RBFOX3: variants seen among roughly 807,000 people sequenced by gnomAD.
RBFOX3 encodes the protein RNA binding protein fox-1 homolog 3.
RBFOX3 carries 17 observed loss-of-function variants against 48.7 expected under a neutral mutation model. That is an observed-to-expected ratio of 0.35 (90% CI 0.24 to 0.52). RBFOX3 has a LOEUF of 0.52. Ranked by LOEUF, RBFOX3 falls within the 20% of genes least tolerant of loss-of-function variation. The pLI, the probability that RBFOX3 is intolerant of heterozygous loss-of-function variation, is 0.94. For synonymous variants in RBFOX3, 212 were observed against 209.5 expected (o/e 1.01, Z -0.10); for missense variants, 382 against 497.5 (o/e 0.77, Z 2.21).
intron 4 of RBFOX3, among the ~76,000 whole-genome samples, chr17:79,182,308 A>G (rs923443039): frequency 3.9e-5 from 6 of 152,036 alleles, no homozygotes; most frequent in Non-Finnish European, 7.4e-5. Context: ...AACCGAAAAC[A>G]AGGCAGACGC....
chr17:79,635,011 G>T, the RBFOX3 span, among the ~76,000 whole-genome samples: 3 of 135,062 alleles, frequency 2.2e-5, no homozygotes, highest in African/African-American at 8.4e-5. Flanking sequence ...AGCAAGCCGA[G>T]ATCACCCCAC....
chr17:79,630,565 T>C, the RBFOX3 span, among the ~76,000 whole-genome samples: 1 of 152,180 alleles, frequency 6.6e-6, no homozygotes, highest in African/African-American at 2.4e-5. Flanking sequence ...CAAATGCCAG[T>C]GGAGCAAATG....
At chr17:79,124,475 C>T (rs981992974) in intron 4 of RBFOX3, among the ~76,000 whole-genome samples, 1 of 152,210 alleles carries the variant, frequency 6.6e-6, no homozygotes, top group Non-Finnish European at 1.5e-5. Context: ...GAGATGGGGC[C>T]TTATACACTA....
At chr17:79,178,826 AC>A (rs1004063534) in intron 4 of RBFOX3, among the ~76,000 whole-genome samples, 2 of 152,116 alleles carry the variant, frequency 1.3e-5, no homozygotes, top group Non-Finnish European at 2.9e-5. Context: ...AATAAACATC[AC>A]CCGACCTCAA....
intron 3 of RBFOX3, among the ~76,000 whole-genome samples, chr17:79,266,047 G>A (rs570064167): frequency 2.1e-4 from 32 of 152,356 alleles, no homozygotes; most frequent in Admixed American, 4.6e-4. Context: ...CTGCTCACCC[G>A]GACCGGGCAG....
At chr17:79,339,171 CAGCCTCCTGAGTGGCT>C (rs2081649325) in intron 2 of RBFOX3, among the ~76,000 whole-genome samples, 1 of 152,118 alleles carries the variant, frequency 6.6e-6, no homozygotes, top group Non-Finnish European at 1.5e-5. Flanking sequence ...CCTCCCGCCT[CAGCCTCCTGAGTGGCT>C]GGGACTACAG....
Position 79,204,013 on chromosome 17 carries a change from G to T in RBFOX3, c.-34+31753C>A, listed in dbSNP as rs1011339266. 6.6e-6 allele frequency among the ~76,000 whole-genome samples: 1 copy of T among 152,164 alleles called. No homozygotes were observed. Among genetic ancestry groups the T allele is most frequent in the Admixed American group, 6.5e-5 (1 of 15,290 alleles). ...TAAATTCCCTGAACGCTCTGGGCTG[G>T]TGGAAGTGGCCCCTTCCATCTTTGC... On this transcript the variant is annotated intron_variant, in intron 4 of 14. Transcript: ENST00000693108. The surrounding 1 kb of genome is among the most constrained non-coding windows in gnomAD (Gnocchi z 4.5).
At chr17:79,174,001 T>C (rs1335313445) in intron 4 of RBFOX3, among the ~76,000 whole-genome samples, 3 of 152,056 alleles carry the variant, frequency 2.0e-5, no homozygotes, top group Admixed American at 6.5e-5. Flanking sequence ...TTGCTTCCCC[T>C]GAATTTGTTG....
rs755188552 is a variant in RBFOX3, at chr17:79,311,849, G to A, written c.-174-4025C>T. ...CCCAAAGCCTCATGTCTGCTTGGGG[G>A]CAAGGACAGCATTCTCACGAACCTG... is the stretch of plus-strand genomic sequence containing the variant. On this transcript the variant is annotated intron_variant, in intron 2 of 14. Coordinates refer to ENST00000693108, the MANE Select transcript of RBFOX3 (RefSeq NM_001350451.2). The surrounding 1 kb of genome is among the most constrained non-coding windows in gnomAD (Gnocchi z 4.2). Among the ~76,000 whole-genome samples, 2 of 152,094 alleles carry A rather than the reference G, an allele frequency of 1.3e-5. No homozygotes were observed. The highest frequency in any genetic ancestry group is 2.9e-5 in the Non-Finnish European group (2 of 68,016).
At chr17:79,543,661 G>A (rs1006553953) in intron 1 of RBFOX3, among the ~76,000 whole-genome samples, 49 of 152,326 alleles carry the variant, frequency 3.2e-4, no homozygotes, top group Middle Eastern at 3.4e-3. Context: ...CGAGGTAGAT[G>A]AAACACGCGG....
intron 2 of RBFOX3, among the ~76,000 whole-genome samples, chr17:79,329,678 G>A (rs957242962): frequency 2.0e-5 from 3 of 152,020 alleles, no homozygotes; most frequent in South Asian, 2.1e-4. Context: ...CCCCCACCCC[G>A]GCCTAATGGC....
chr17:79,539,909 G>A (rs552649201), intron 1 of RBFOX3, among the ~76,000 whole-genome samples: 1 of 152,108 alleles, frequency 6.6e-6, no homozygotes, highest in Non-Finnish European at 1.5e-5. Context: ...AGTGTAAGTA[G>A]GTCCCACGCG....
rs890303733 is a variant in RBFOX3 at position 79,391,695 on chromosome 17, T to C, written c.-174-83871A>G. Among the ~76,000 whole-genome samples the C allele has an allele frequency of 2.6e-5, 4 of 152,182 alleles. No homozygotes were observed. The highest frequency in any genetic ancestry group is 4.8e-5 in the African/African-American group (2 of 41,446). On this transcript the variant is annotated intron_variant, in intron 2 of 14. Transcript: ENST00000693108. The surrounding 1 kb of genome is among the most constrained non-coding windows in gnomAD (Gnocchi z 5.0). ...GCCTGCCTGTGCATCCACATATATG[T>C]GCGTGTGAGCGTGTGTGGGCACAGG...
intron 4 of RBFOX3, among the ~76,000 whole-genome samples, chr17:79,123,511 C>A (rs1045309617): frequency 1.3e-5 from 2 of 152,194 alleles, no homozygotes; most frequent in East Asian, 3.9e-4. Context: ...GACTTTGTCC[C>A]TCCTGCTGCT....
intron 1 of RBFOX3, among the ~76,000 whole-genome samples, chr17:79,539,561 G>A (rs573867273): frequency 6.6e-6 from 1 of 152,310 alleles, no homozygotes; most frequent in South Asian, 2.1e-4. Context: ...AACACATAGT[G>A]CATGGTGGTG....
At chr17:79,118,821 A>T (rs1380927036) in intron 4 of RBFOX3, among the ~76,000 whole-genome samples, 4 of 151,624 alleles carry the variant, frequency 2.6e-5, no homozygotes, top group African/African-American at 7.3e-5. Flanking sequence ...AAATAAAAAA[A>T]AAAAAAATAG....
At chr17:79,454,177 C>T (rs559289679) in intron 2 of RBFOX3, among the ~76,000 whole-genome samples, 8 of 152,254 alleles carry the variant, frequency 5.3e-5, no homozygotes, top group Non-Finnish European at 8.8e-5. Context: ...TGCACCTCTC[C>T]CCTGTTCTCA....
At chr17:79,226,237 G>T (rs1426765623) in intron 4 of RBFOX3, among the ~76,000 whole-genome samples, 3 of 152,200 alleles carry the variant, frequency 2.0e-5, no homozygotes, top group African/African-American at 7.2e-5. Context: ...ATATGGGAGG[G>T]TATTGTGAGG....
the RBFOX3 span, among the ~76,000 whole-genome samples, chr17:79,617,364 C>T: frequency 1.3e-5 from 2 of 152,078 alleles, no homozygotes; most frequent in Non-Finnish European, 2.9e-5. Flanking sequence ...CCCTCGTTCC[C>T]CTTCCATCCT....
Sources: gnomAD v4.1 joint callset for allele counts (sites outside exome capture counted in the v4.1 genomes callset) on GRCh38, gnomAD v4.1.1 for gene constraint, Gnocchi (gnomAD v3.1) non-coding constraint, MANE v1.5 for transcripts, NCBI Gene and HGNC (gene_info 2026-07-23, HGNC 2026-07-21) for gene names.